Variants in TPO observed in about 807,000 individuals in gnomAD.
TPO encodes the protein thyroid microsomal antigen.
TPO carries 78 observed loss-of-function variants against 96.9 expected under a neutral mutation model. The observed-to-expected ratio is 0.81, with a 90% CI of 0.67 to 0.97. The LOEUF (loss-of-function observed/expected upper bound fraction) is 0.97, where lower values mean the gene tolerates loss of function less well. TPO is among the 50% of genes least tolerant of loss of function. The probability of loss-of-function intolerance (pLI) is 0.00; values close to 1 mark genes in which losing one functional copy is unlikely to be tolerated. For missense variants in TPO, 1,252 were observed against 1,274.8 expected, an observed-to-expected ratio of 0.98 and a Z score of 0.27; for synonymous variants, 547 against 538.0, an observed-to-expected ratio of 1.02 and a Z score of -0.23.
intron 15 of TPO, among the ~76,000 whole-genome samples, chr2:1,534,668 C>G (rs551666890): frequency 6.1e-5 from 9 of 146,724 alleles, no homozygotes; most frequent in Non-Finnish European, 1.0e-4. Flanking sequence ...CAAATACCCC[C>G]CCCACTCTGT....
intron 15 of TPO, among the ~76,000 whole-genome samples, chr2:1,526,512 C>G (rs369451016): frequency 6.8e-6 from 1 of 146,926 alleles, no homozygotes; most frequent in African/African-American, 2.6e-5. Context: ...GCAACCCCCG[C>G]AAATCCTCCC....
Position 1,477,431 on chromosome 2 carries a change from T to A in TPO, c.1165T>A (p.Cys389Ser). 2 of 1,523,316 alleles carry A rather than the reference T, an allele frequency of 1.3e-6. No homozygotes were observed. Among genetic ancestry groups the A allele is most frequent in the Non-Finnish European group, 1.8e-6 (2 of 1,139,684 alleles). The allele number at this position is 1,523,316 out of a possible 1,614,324, so 94.4% of individuals were successfully genotyped here. The change falls in exon 8 of 17, where the codon TGC becomes AGC. Residue 389 changes from cysteine to serine, a missense_variant. By Grantham distance (112) the Cys-to-Ser change is moderately radical (BLOSUM62 -1). Coordinates refer to ENST00000329066, the MANE Select transcript of TPO (RefSeq NM_001206744.2). ...PGIPGETRGP[C>S]FLAGDGRASE... ...CATCCCCGGAGAGACCCGCGGGCCC[T>A]GCTTCCTGGCCGGAGACGGCCGCGC...
intron 3 of TPO, among the ~76,000 whole-genome samples, chr2:1,426,796 A>G (rs1482628438): frequency 1.3e-5 from 2 of 152,236 alleles, no homozygotes; most frequent in African/African-American, 4.8e-5. Context: ...TTTAATAATA[A>G]TAAAATACTT....
At chr2:1,382,513 G>T (rs995990403) in intron 1 of TPO, among the ~76,000 whole-genome samples, 5 of 152,064 alleles carry the variant, frequency 3.3e-5, no homozygotes, top group African/African-American at 1.2e-4. Context: ...CTTGTCAACT[G>T]CCCAATGGAA....
chr2:1,452,421 A>G (rs1667389881), intron 5 of TPO, among the ~76,000 whole-genome samples: 1 of 152,340 alleles, frequency 6.6e-6, no homozygotes, highest in African/African-American at 2.4e-5. Context: ...AATTATTAAT[A>G]ACTAATAGTG....
At chr2:1,478,198 T>A (rs1670169607) in intron 8 of TPO, 1 of 985,434 alleles carries the variant, frequency 1.0e-6, no homozygotes, top group African/African-American at 1.7e-5. Flanking sequence ...GGGTCTTGAA[T>A]GGAGAGTCAA....
At chr2:1,452,886 G>A (rs998062446) in intron 5 of TPO, among the ~76,000 whole-genome samples, 1 of 152,182 alleles carries the variant, frequency 6.6e-6, no homozygotes, top group Non-Finnish European at 1.5e-5. Flanking sequence ...GCTTAACACA[G>A]TACACTCGGA....
chr2:1,442,515 AT>A (rs1666298831), intron 5 of TPO, among the ~76,000 whole-genome samples: 1 of 152,256 alleles, frequency 6.6e-6, no homozygotes, highest in South Asian at 2.1e-4. Context: ...TATATGATAA[AT>A]ATGATGAATT....
At chr2:1,455,737 T>G (rs1667728629) in intron 6 of TPO, among the ~76,000 whole-genome samples, 1 of 152,198 alleles carries the variant, frequency 6.6e-6, no homozygotes, top group African/African-American at 2.4e-5. Flanking sequence ...TCAACTGTCC[T>G]AAAGCCTGGC....
Position 1,446,000 on chromosome 2 carries a change from G to A in TPO, c.483-7694G>A, listed in dbSNP as rs561903972. On this transcript the variant is annotated intron_variant, in intron 5 of 16. Transcript: ENST00000329066. ...AGTGGCACAGTGGATAGAATCCATC[G>A]CCATAGTGACCATGAGTGGATTCCT... Among the ~76,000 whole-genome samples, 7 of 152,256 alleles carry A rather than the reference G, an allele frequency of 4.6e-5. 1 individual carries two copies. Among genetic ancestry groups the A allele is most frequent in the Middle Eastern group, 6.9e-3 (2 of 290 alleles).
chr2:1,453,678 G>A lies in TPO; in HGVS notation c.483-16G>A, dbSNP rs1272635306. The stretch of plus-strand genomic sequence containing the variant: ...TCTCCCCCATCTCAAACACATCCTT[G>A]CATTTGTCTCCACAGAGACCACCCC... On this transcript the variant is annotated splice_polypyrimidine_tract_variant and intron_variant, in intron 5 of 16. Transcript: ENST00000329066. 3 of 1,613,892 alleles carry A rather than the reference G, an allele frequency of 1.9e-6. No individual in the cohort carries two copies. The highest frequency in any genetic ancestry group is 3.3e-4 in the Middle Eastern group (2 of 6,062).
intron 1 of TPO, among the ~76,000 whole-genome samples, chr2:1,406,552 G>A (rs1469485479): frequency 1.3e-5 from 2 of 152,174 alleles, no homozygotes; most frequent in African/African-American, 4.8e-5. Flanking sequence ...CACAGCCCTG[G>A]GCCTCTGAGA....
intron 8 of TPO, chr2:1,478,223 A>C (rs539475453): frequency 1.0e-6 from 1 of 985,338 alleles, no homozygotes; most frequent in South Asian, 4.7e-5. Context: ...GCCTTTTATT[A>C]ATTGTGTGAT....
At chr2:1,381,195 C>G (rs1462321258) in intron 1 of TPO, among the ~76,000 whole-genome samples, 3 of 151,996 alleles carry the variant, frequency 2.0e-5, no homozygotes, top group Non-Finnish European at 2.9e-5. Context: ...TTCTGCACAG[C>G]AAAAGAAACT....
intron 15 of TPO, among the ~76,000 whole-genome samples, chr2:1,531,991 C>T (rs1678374836): frequency 9.2e-6 from 1 of 109,190 alleles, no homozygotes; most frequent in Non-Finnish European, 2.0e-5. Context: ...TGTGCAACCT[C>T]CCAAAATCTC....
At chr2:1,524,157 C>CA (rs1675859949) in intron 15 of TPO, among the ~76,000 whole-genome samples, 1 of 130,216 alleles carries the variant, frequency 7.7e-6, no homozygotes, top group Non-Finnish European at 1.7e-5. Context: ...TCCCAAAATC[C>CA]CCCAAACTGT....
At chr2:1,438,709 A>G (rs1327399225) in intron 5 of TPO, 12 of 662,644 alleles carry the variant, frequency 1.8e-5, no homozygotes, top group Non-Finnish European at 3.0e-5. Flanking sequence ...ATCCCTGAGC[A>G]AAGCCAGTAG....
At chr2:1,459,610 G>A (rs1668215364) in intron 7 of TPO, among the ~76,000 whole-genome samples, 3 of 152,202 alleles carry the variant, frequency 2.0e-5, no homozygotes, top group South Asian at 4.1e-4. Context: ...AAGGTGGGCA[G>A]GACAGTTACA....
intron 7 of TPO, among the ~76,000 whole-genome samples, chr2:1,472,547 C>T (rs939832127): frequency 6.6e-6 from 1 of 152,134 alleles, no homozygotes; most frequent in African/African-American, 2.4e-5. Flanking sequence ...GGAATCCCCC[C>T]AGTGGAGCGC....
Sources: allele counts gnomAD v4.1 joint callset (sites outside exome capture counted in the v4.1 genomes callset), GRCh38; gene constraint gnomAD v4.1.1; transcripts MANE v1.5; gene names NCBI Gene and HGNC (gene_info 2026-07-23, HGNC 2026-07-21).